The following SH3RF3 variants were observed in gnomAD, a reference collection of about 807,000 sequenced individuals.
SH3RF3 encodes the protein SH3 domain containing ring finger 3.
SH3RF3 carries 29 observed loss-of-function variants against 66.3 expected under a neutral mutation model. The observed-to-expected ratio is 0.44, with a 90% CI of 0.33 to 0.60. The LOEUF (loss-of-function observed/expected upper bound fraction) is 0.60. Ranked by LOEUF, SH3RF3 falls within the 20% of genes least tolerant of loss-of-function variation. The pLI, the probability that SH3RF3 is intolerant of heterozygous loss-of-function variation, is 0.04. For missense variants in SH3RF3, 1,194 were observed against 1,190.9 expected, an observed-to-expected ratio of 1.00 and a Z score of -0.04; for synonymous variants, 583 against 532.0, an observed-to-expected ratio of 1.10 and a Z score of -1.32.
chr2:109,372,504 G>A (rs781191014), intron 3 of SH3RF3, among the ~76,000 whole-genome samples: 1 of 152,216 alleles, frequency 6.6e-6, no homozygotes, highest in Non-Finnish European at 1.5e-5. Flanking sequence ...TTGTGTGCCA[G>A]ACACTTGGAA....
chr2:109,471,197 A>C (rs1573279460), intron 8 of SH3RF3, among the ~76,000 whole-genome samples: 1 of 131,132 alleles, frequency 7.6e-6, no homozygotes, highest in Non-Finnish European at 1.5e-5. Flanking sequence ...TGGGCGACAG[A>C]CTCTGTCTCA....
chr2:109,274,911 C>T (rs573131060), intron 1 of SH3RF3, among the ~76,000 whole-genome samples: 1 of 151,310 alleles, frequency 6.6e-6, no homozygotes, highest in South Asian at 2.1e-4. Context: ...GGCTGCACAA[C>T]ATTGTGAATG....
rs1490270463 is a variant in SH3RF3, at chr2:109,137,467, A to T, written c.573+7354A>T. Among the ~76,000 whole-genome samples the T allele has an allele frequency of 2.0e-5, 3 of 152,348 alleles. No individual in the cohort carries two copies. The South Asian group carries it at 6.2e-4, about 32-fold the overall frequency. On this transcript the variant is annotated intron_variant, in intron 1 of 9. Transcript: ENST00000309415. ...TGGAAGTGCCACATGCTCAGGAGAT[A>T]AGAGAACTTGCTGCTGTGGCTAGGA...
At chr2:109,418,404 G>A (rs1475485204) in intron 4 of SH3RF3, among the ~76,000 whole-genome samples, 2 of 152,150 alleles carry the variant, frequency 1.3e-5, no homozygotes, top group African/African-American at 4.8e-5. Flanking sequence ...CCAAGTCAAG[G>A]TGTGGACAGG....
At chr2:109,178,142 T>A (rs1218701899) in intron 1 of SH3RF3, among the ~76,000 whole-genome samples, 1 of 152,228 alleles carries the variant, frequency 6.6e-6, no homozygotes, top group African/African-American at 2.4e-5. Flanking sequence ...ACAACAAACC[T>A]ACCCTTTCTT....
At chr2:109,174,061 A>G (rs1422158514) in intron 1 of SH3RF3, among the ~76,000 whole-genome samples, 1 of 152,200 alleles carries the variant, frequency 6.6e-6, no homozygotes, top group Non-Finnish European at 1.5e-5. Flanking sequence ...GGCTGCTCCC[A>G]CAGTGTCCCC....
chr2:109,318,788 T>C (rs1399052330), intron 1 of SH3RF3, among the ~76,000 whole-genome samples: 2 of 152,202 alleles, frequency 1.3e-5, no homozygotes. Context: ...AGCCCAGCCC[T>C]GACGAGCTCT....
intron 1 of SH3RF3, among the ~76,000 whole-genome samples, chr2:109,162,354 G>A (rs1677508492): frequency 6.6e-6 from 1 of 152,118 alleles, no homozygotes; most frequent in Non-Finnish European, 1.5e-5. Context: ...AGAGAGCCGG[G>A]CCTCTCTCAT....
intron 1 of SH3RF3, among the ~76,000 whole-genome samples, chr2:109,142,751 C>T (rs955466477): frequency 1.7e-4 from 26 of 152,294 alleles, no homozygotes; most frequent in African/African-American, 6.0e-4. Context: ...CTGGCTTCAC[C>T]TGCCAAAGCA....
chr2:109,380,968 T>C (rs1675632865), intron 3 of SH3RF3, among the ~76,000 whole-genome samples: 1 of 152,260 alleles, frequency 6.6e-6, no homozygotes, highest in Non-Finnish European at 1.5e-5. Flanking sequence ...GCAGGAGTCG[T>C]TGCTGATTGC....
At chr2:109,260,213 C>A (rs1281957918) in intron 1 of SH3RF3, among the ~76,000 whole-genome samples, 1 of 152,122 alleles carries the variant, frequency 6.6e-6, no homozygotes, top group Non-Finnish European at 1.5e-5. Context: ...TGATGGTTGG[C>A]AGCCCTGTGA....
chr2:109,404,885 C>A (rs765029132), intron 4 of SH3RF3, among the ~76,000 whole-genome samples: 1 of 152,138 alleles, frequency 6.6e-6, no homozygotes, highest in South Asian at 2.1e-4. Context: ...CAGCACTTGA[C>A]GCTGTGGACA....
intron 7 of SH3RF3, among the ~76,000 whole-genome samples, chr2:109,438,880 C>G (rs1396379645): frequency 6.6e-6 from 1 of 152,138 alleles, no homozygotes; most frequent in Admixed American, 6.5e-5. Flanking sequence ...AGGCCAGGTC[C>G]CTTCTGGTTA....
At chr2:109,501,314 A>T (rs2104418329) in intron 9 of SH3RF3, among the ~76,000 whole-genome samples, 189 bp from the exon 10 acceptor site, 1 of 152,294 alleles carries the variant, frequency 6.6e-6, no homozygotes, top group Admixed American at 6.5e-5. Flanking sequence ...TGCCTTTTAA[A>T]TTTTTTTTAT....
At chr2:109,232,433 TG>T (rs1679535598) in intron 1 of SH3RF3, among the ~76,000 whole-genome samples, 1 of 152,218 alleles carries the variant, frequency 6.6e-6, no homozygotes, top group African/African-American at 2.4e-5. Flanking sequence ...CTCTGAGCCC[TG>T]GTCTGCCTAT....
intron 3 of SH3RF3, among the ~76,000 whole-genome samples, chr2:109,373,181 G>T (rs112372921): frequency 6.6e-6 from 1 of 152,188 alleles, no homozygotes; most frequent in African/African-American, 2.4e-5. Context: ...AAGTTTCCAT[G>T]TATTTGCACA....
intron 5 of SH3RF3, among the ~76,000 whole-genome samples, chr2:109,423,741 AC>A (rs1415683401): frequency 6.6e-6 from 1 of 152,146 alleles, no homozygotes; most frequent in East Asian, 1.9e-4. Flanking sequence ...CCCCATGGTC[AC>A]CCCTTCCAGG....
chr2:109,373,764 C>A (rs1683324502), intron 3 of SH3RF3, among the ~76,000 whole-genome samples: 1 of 152,116 alleles, frequency 6.6e-6, no homozygotes, highest in South Asian at 2.1e-4. Flanking sequence ...TTACACACTT[C>A]TAACTGCAAT....
intron 1 of SH3RF3, among the ~76,000 whole-genome samples, chr2:109,333,259 G>A (rs114211858): frequency 0.016 from 2,486 of 152,352 alleles, 33 homozygotes; most frequent in Non-Finnish European, 0.028. Context: ...CAAGTTCAGG[G>A]TGATTAGTTT....
Sources: gnomAD v4.1 joint callset for allele counts (sites outside exome capture counted in the v4.1 genomes callset) on GRCh38, gnomAD v4.1.1 for gene constraint, MANE v1.5 for transcripts, NCBI Gene and HGNC (gene_info 2026-07-23, HGNC 2026-07-21) for gene names.